Variants in UGT8 observed in about 807,000 individuals in gnomAD.
UGT8 encodes the protein 2-hydroxyacylsphingosine 1-beta-galactosyltransferase.
A neutral mutation model predicts 40.5 loss-of-function variants in UGT8; 12 were observed. That is an observed-to-expected ratio of 0.30 (90% CI 0.19 to 0.48). UGT8 has a LOEUF of 0.48. UGT8 is among the 20% of genes least tolerant of loss of function. The pLI, the probability that UGT8 is intolerant of heterozygous loss-of-function variation, is 0.99. For synonymous variants in UGT8, 224 were observed against 240.4 expected (o/e 0.93, Z 0.63); for missense variants, 513 against 648.7 (o/e 0.79, Z 2.27).
Position 114,623,452 on chromosome 4 carries a change from T to C in UGT8, c.572T>C (p.Leu191Pro). Residue 191 changes from leucine (L) to proline (P), a missense_variant, in exon 2 of 6, where the codon CTG becomes CCG. Physicochemically the swap from Leu to Pro is moderately conservative, Grantham distance 98 (BLOSUM62 -3). This residue lies in a region of UGT8 where 335 missense variants were observed against 444.8 expected (regional missense o/e 0.75). Coordinates refer to ENST00000310836, the MANE Select transcript of UGT8 (RefSeq NM_001128174.3). ...NSLLTDRMNL[L>P]QRMKNTGVYL... ...CTCCTCACAGACCGCATGAACTTGC[T>C]GCAAAGGATGAAAAATACCGGTGTT... The C allele has an allele frequency of 1.2e-6, 2 of 1,614,210 alleles. No homozygotes were observed. Among genetic ancestry groups the C allele is most frequent in the South Asian group, 1.1e-5 (1 of 91,084 alleles).
At chr4:114,609,504 T>G (rs1240888009) in intron 1 of UGT8, among the ~76,000 whole-genome samples, 1 of 152,178 alleles carries the variant, frequency 6.6e-6, no homozygotes, top group Admixed American at 6.5e-5. Context: ...GTCCTCTGGC[T>G]GTCCTGCTTT....
chr4:114,670,455 A>AT (rs397995056), intron 5 of UGT8, among the ~76,000 whole-genome samples: 1 of 150,310 alleles, frequency 6.7e-6, no homozygotes, highest in Non-Finnish European at 1.5e-5. Flanking sequence ...AAAAAAAAAA[A>AT]GCTTATCCAC....
At chr4:114,624,838 T>G (rs1197176453) in intron 2 of UGT8, among the ~76,000 whole-genome samples, 1 of 152,128 alleles carries the variant, frequency 6.6e-6, no homozygotes, top group Non-Finnish European at 1.5e-5. Flanking sequence ...CCCACAGCAT[T>G]TCAAATATAT....
chr4:114,634,806 G>T (rs1560685668), intron 2 of UGT8, among the ~76,000 whole-genome samples: 2 of 152,122 alleles, frequency 1.3e-5, no homozygotes, highest in Admixed American at 6.5e-5. Flanking sequence ...CAGTGATAGG[G>T]CTTGGACGGT....
chr4:114,650,163 A>G (rs1268339894), intron 2 of UGT8, among the ~76,000 whole-genome samples: 2 of 152,188 alleles, frequency 1.3e-5, no homozygotes, highest in Admixed American at 6.6e-5. Context: ...CCAGCTGTGT[A>G]GTCACATTTG....
At chr4:114,646,643 A>G (rs1733589872) in intron 2 of UGT8, among the ~76,000 whole-genome samples, 1 of 152,198 alleles carries the variant, frequency 6.6e-6, no homozygotes, top group African/African-American at 2.4e-5. Context: ...TACACAATGG[A>G]CACCTTGGAT....
intron 2 of UGT8, among the ~76,000 whole-genome samples, chr4:114,644,285 G>A (rs369373954): frequency 6.6e-6 from 1 of 152,094 alleles, no homozygotes; most frequent in African/African-American, 2.4e-5. Context: ...CTGAAAGTAG[G>A]TTTAAGGAGC....
At chr4:114,610,367 A>G (rs550887448) in intron 1 of UGT8, among the ~76,000 whole-genome samples, 1 of 152,268 alleles carries the variant, frequency 6.6e-6, no homozygotes, top group East Asian at 1.9e-4. Flanking sequence ...TTTTGATATC[A>G]TTTTGGTACA....
At chr4:114,646,241 G>A (rs1357615808) in intron 2 of UGT8, among the ~76,000 whole-genome samples, 7 of 151,860 alleles carry the variant, frequency 4.6e-5, no homozygotes, top group African/African-American at 1.5e-4. Context: ...AAAGAACCCC[G>A]AATCAGATAT....
intron 5 of UGT8, among the ~76,000 whole-genome samples, chr4:114,668,845 A>G (rs1735058758): frequency 6.6e-6 from 1 of 152,214 alleles, no homozygotes; most frequent in Non-Finnish European, 1.5e-5. Context: ...CAGGTGAATG[A>G]TGAAGCAGAA....
intron 1 of UGT8, among the ~76,000 whole-genome samples, chr4:114,608,617 A>G (rs1319868706): frequency 6.6e-6 from 1 of 152,168 alleles, no homozygotes; most frequent in African/African-American, 2.4e-5. Flanking sequence ...AGTTTGATAT[A>G]TAGAAAGATT....
chr4:114,657,615 C>T (rs946139179), intron 2 of UGT8, among the ~76,000 whole-genome samples: 1 of 152,002 alleles, frequency 6.6e-6, no homozygotes, highest in Non-Finnish European at 1.5e-5. Flanking sequence ...GTATTTTAAA[C>T]AACTTTATTC....
intron 2 of UGT8, among the ~76,000 whole-genome samples, chr4:114,629,366 A>T (rs531127789): frequency 3.9e-5 from 6 of 152,286 alleles, no homozygotes; most frequent in African/African-American, 1.4e-4. Flanking sequence ...GGCTCTCTTA[A>T]CTAGAATGTG....
intron 2 of UGT8, among the ~76,000 whole-genome samples, chr4:114,644,797 AG>A (rs1350030194): frequency 6.6e-6 from 1 of 152,082 alleles, no homozygotes; most frequent in African/African-American, 2.4e-5. Flanking sequence ...GGGTGTGTTG[AG>A]CATGGAGTTG....
At chr4:114,627,255 CTTTTTTTT>C (rs199675716) in intron 2 of UGT8, among the ~76,000 whole-genome samples, 1 of 126,804 alleles carries the variant, frequency 7.9e-6, no homozygotes, top group African/African-American at 3.0e-5. Flanking sequence ...TGAATAGATT[CTTTTTTTT>C]TTTTTTTTTT....
chr4:114,665,667 G>A lies in UGT8; in HGVS notation c.966-13G>A, dbSNP rs1475580050. 1.1e-5 allele frequency: 18 copies of A among 1,599,618 alleles called. No homozygotes were observed. The highest frequency in any genetic ancestry group is 1.4e-5 in the Non-Finnish European group (17 of 1,174,020). On this transcript the variant is annotated splice_polypyrimidine_tract_variant and intron_variant, in intron 3 of 5. Coordinates refer to ENST00000310836, the MANE Select transcript of UGT8 (RefSeq NM_001128174.3). ...TGATTTTTAAAAGACTAATTGTCTG[G>A]TGTACATTTTAGGTTTTCTGGACCC...
At chr4:114,668,414 C>A (rs1015375272) in intron 5 of UGT8, 110 bp downstream of exon 5, 9 of 912,004 alleles carry the variant, frequency 9.9e-6, no homozygotes, top group Admixed American at 5.1e-5. Context: ...ATGGAAATAT[C>A]CTTTAGATTC....
intron 2 of UGT8, among the ~76,000 whole-genome samples, chr4:114,627,151 T>C (rs1732278168): frequency 6.6e-6 from 1 of 152,154 alleles, no homozygotes; most frequent in African/African-American, 2.4e-5. Context: ...GTGGTTTACC[T>C]ACTCTATCAT....
At chr4:114,631,395 G>A (rs1732562398) in intron 2 of UGT8, among the ~76,000 whole-genome samples, 1 of 152,232 alleles carries the variant, frequency 6.6e-6, no homozygotes, top group African/African-American at 2.4e-5. Flanking sequence ...GCTGAAACAG[G>A]AGAATCGCTT....
Sources: gnomAD v4.1 joint callset for allele counts (sites outside exome capture counted in the v4.1 genomes callset) on GRCh38, gnomAD v4.1.1 for gene constraint, gnomAD v4.1.1 regional missense constraint, MANE v1.5 for transcripts, NCBI Gene and HGNC (gene_info 2026-07-23, HGNC 2026-07-21) for gene names.